The following OR4M1 variants were observed in gnomAD, a reference collection of about 807,000 sequenced individuals.
The protein encoded by OR4M1 is olfactory receptor family 4 subfamily M member 1, also known as olfactory receptor 4M1.
A neutral mutation model predicts 9.8 loss-of-function variants in OR4M1; 7 were observed. The observed-to-expected ratio is 0.71, with a 90% CI of 0.41 to 1.34. The LOEUF is 1.34. Ranked by LOEUF, OR4M1 falls within the 40% of genes most tolerant of loss-of-function variation. The pLI, the probability that OR4M1 is intolerant of heterozygous loss-of-function variation, is 0.01. For missense variants in OR4M1, 331 were observed against 380.4 expected (o/e 0.87, Z 1.08); for synonymous variants, 121 against 139.8 (o/e 0.87, Z 0.95).
At chr14:19,778,734 G>A (rs1305010781) in intron 1 of OR4M1, among the ~76,000 whole-genome samples, 1 of 152,196 alleles carries the variant, frequency 6.6e-6, no homozygotes, top group Non-Finnish European at 1.5e-5. Flanking sequence ...GGGGCTATGA[G>A]CTGCTTCCTT....
rs1594378162 is a variant in OR4M1, at chr14:19,780,467, A to G, written c.145A>G (p.Ile49Val). The G allele has an allele frequency of 6.2e-7, 1 of 1,614,158 alleles. No individual in the cohort carries two copies. Among genetic ancestry groups the G allele is most frequent in the East Asian group, 2.2e-5 (1 of 44,888 alleles). ...AGGAAATATCCTTATCATTTGCACC[A>G]TCAGGCTAGACCCTCATCTGACTTC... is the stretch of plus-strand genomic sequence containing the variant. ...LPGNILIICT[I>V]RLDPHLTSPM... The change falls in exon 2 of 2, where the codon ATC (isoleucine) becomes GTC (valine). Residue 49 changes from isoleucine (I) to valine (V), a missense_variant. By Grantham distance (29) the Ile-to-Val change is conservative. This residue lies in a region of OR4M1 where 209 missense variants were observed against 200.0 expected (regional missense o/e 1.04). Coordinates refer to ENST00000641200, the MANE Select transcript of OR4M1 (RefSeq NM_001005500.2).
rs1878542944 is a variant in OR4M1 at position 19,782,862 on chromosome 14, T to C, written c.*1598T>C. Reference sequence around the variant, plus strand: ...AAAAATATAAAGTACAAAAGATATATATATATAATATGATAAAATGATGAG... The same window carrying C: ...AAAAATATAAAGTACAAAAGATATACATATATAATATGATAAAATGATGAG... On this transcript the variant is annotated 3_prime_UTR_variant, in exon 2 of 2. Transcript: ENST00000641200. 6.6e-6 allele frequency: 1 copy of C among 152,022 alleles called. No homozygotes were observed. 9.4% of individuals were successfully genotyped at this position (152,022 alleles called of 1,614,324 possible).
At chr14:19,777,731 T>C (rs540630546) in intron 1 of OR4M1, among the ~76,000 whole-genome samples, 3 of 152,316 alleles carry the variant, frequency 2.0e-5, no homozygotes, top group Admixed American at 6.5e-5. Context: ...ATATCACAGG[T>C]AGATAGCTTT....
At position 19,780,876 on chromosome 14, in the gene OR4M1, T is replaced by C. The variant is rs529980571; in HGVS notation, c.554T>C (p.Val185Ala). 7 of 1,614,216 alleles carry C rather than the reference T, an allele frequency of 4.3e-6. No homozygotes were observed. In the South Asian group the frequency reaches 4.4e-5, roughly 10 times the overall value. Reference protein sequence around the residue: ...DSYFCDITQVVRIACANTFPE... With the variant: ...DSYFCDITQVARIACANTFPE... The stretch of plus-strand genomic sequence containing the variant: ...TACTTCTGTGACATCACACAGGTTG[T>C]CCGGATTGCCTGTGCCAACACCTTC... The change falls in exon 2 of 2, where the codon GTC becomes GCC. Residue 185 changes from valine to alanine, a missense_variant. Physicochemically the swap from Val to Ala is moderately conservative, Grantham distance 64 (BLOSUM62 0). Coordinates refer to ENST00000641200, the MANE Select transcript of OR4M1 (RefSeq NM_001005500.2).
chr14:19,778,325 T>C (rs539531702), intron 1 of OR4M1, among the ~76,000 whole-genome samples: 1 of 152,336 alleles, frequency 6.6e-6, no homozygotes, highest in African/African-American at 2.4e-5. Flanking sequence ...GGAATGGGTA[T>C]GGAGTAGAGC....
rs537688884 is a variant in OR4M1 at position 19,782,884 on chromosome 14, TGA to T, written c.*1622_*1623del. The T allele has an allele frequency of 1.6e-4, 24 of 152,264 alleles. No individual in the cohort carries two copies. The East Asian group carries it at 4.0e-3, about 26-fold the overall frequency. The allele number at this position is 152,264 out of a possible 1,614,324, so 9.4% of individuals were successfully genotyped here. A position where few individuals can be genotyped will look rare whatever the true frequency, so the allele number is the denominator to read the frequency against. On this transcript the variant is annotated 3_prime_UTR_variant, in exon 2 of 2. Coordinates refer to ENST00000641200, the MANE Select transcript of OR4M1 (RefSeq NM_001005500.2). ...ATATATATATAATATGATAAAATGA[TGA>T]GTTATGTTTCTAAATCTTTTATCAT...
intron 1 of OR4M1, among the ~76,000 whole-genome samples, chr14:19,777,509 T>C (rs1416467211): frequency 6.6e-6 from 1 of 152,140 alleles, no homozygotes; most frequent in Non-Finnish European, 1.5e-5. Flanking sequence ...TACTTATTTA[T>C]ATTTTATTTT....
At chr14:19,780,258 T>G in intron 1 of OR4M1, 36 bp from the exon 2 acceptor site, 5 of 1,469,570 alleles carry the variant, frequency 3.4e-6, no homozygotes, top group Non-Finnish European at 4.6e-6. Context: ...AGATAAATGC[T>G]ATGTGGACTA....
At chr14:19,774,946 C>A (rs1214951108) in intron 1 of OR4M1, among the ~76,000 whole-genome samples, 1 of 152,032 alleles carries the variant, frequency 6.6e-6, no homozygotes, top group African/African-American at 2.4e-5. Context: ...CGGAATGGAC[C>A]CTCTCTTGGC....
intron 1 of OR4M1, among the ~76,000 whole-genome samples, chr14:19,779,851 T>C (rs1878414574): frequency 6.6e-6 from 1 of 152,244 alleles, no homozygotes; most frequent in Non-Finnish European, 1.5e-5. Flanking sequence ...TCTGTATGTG[T>C]GCTATTAGAA....
intron 1 of OR4M1, among the ~76,000 whole-genome samples, chr14:19,779,608 C>T (rs919966257): frequency 6.6e-6 from 1 of 152,206 alleles, no homozygotes; most frequent in Non-Finnish European, 1.5e-5. Context: ...ACTTAAGTTC[C>T]TGCAATGGTG....
intron 1 of OR4M1, among the ~76,000 whole-genome samples, chr14:19,774,345 A>G (rs772245663): frequency 6.6e-6 from 1 of 152,244 alleles, no homozygotes; most frequent in Non-Finnish European, 1.5e-5. Context: ...TGATTTATTT[A>G]TTCAATAAAA....
chr14:19,775,805 TATA>T (rs1160502968), intron 1 of OR4M1, among the ~76,000 whole-genome samples: 98 of 144,182 alleles, frequency 6.8e-4, no homozygotes, highest in African/African-American at 1.9e-3. Context: ...TTAAATATAA[TATA>T]ATAATAATAA....
chr14:19,783,556 A>G lies in OR4M1; in HGVS notation c.*2292A>G, dbSNP rs1878565697. 7 of 152,308 alleles carry G rather than the reference A, an allele frequency of 4.6e-5. No individual in the cohort carries two copies. The highest frequency in any genetic ancestry group is 4.6e-4 in the Admixed American group (7 of 15,296). 9.4% of individuals were successfully genotyped at this position (152,308 alleles called of 1,614,324 possible). ...GTTGTGTCATTGAATATTGTTTCCA[A>G]ATAGCTCAGTATCCTCAGCAATCAC... is the stretch of plus-strand genomic sequence containing the variant. On this transcript the variant is annotated 3_prime_UTR_variant, in exon 2 of 2. Coordinates refer to ENST00000641200, the MANE Select transcript of OR4M1 (RefSeq NM_001005500.2).
chr14:19,776,596 G>C (rs1482261544), intron 1 of OR4M1, among the ~76,000 whole-genome samples: 2 of 152,164 alleles, frequency 1.3e-5, no homozygotes, highest in African/African-American at 4.8e-5. Flanking sequence ...GCACTGATTT[G>C]GAATAGACAT....
chr14:19,777,049 T>TATATATATA (rs58150334), intron 1 of OR4M1, among the ~76,000 whole-genome samples: 90 of 115,590 alleles, frequency 7.8e-4, no homozygotes, highest in South Asian at 1.9e-3. Context: ...TATATATATA[T>TATATATATA]TGTTTGTTTG....
In OR4M1 at chr14:19,782,695, G is replaced by C. The variant is rs1327022785; in HGVS notation, c.*1431G>C. 1 of 152,160 alleles carries C rather than the reference G, an allele frequency of 6.6e-6. No individual in the cohort carries two copies. The highest frequency in any genetic ancestry group is 6.5e-5 in the Admixed American group (1 of 15,270). The allele number at this position is 152,160 out of a possible 1,614,324, so 9.4% of individuals were successfully genotyped here. A position where few individuals can be genotyped will look rare whatever the true frequency, so the allele number is the denominator to read the frequency against. On this transcript the variant is annotated 3_prime_UTR_variant, in exon 2 of 2. Transcript: ENST00000641200. The stretch of plus-strand genomic sequence containing the variant: ...ATTTTTCCTTATGGTGACCTTCTTC[G>C]ATCTTCAATGCTACGTTACTTCTCT...
rs771752552 is a variant in OR4M1 at position 19,781,056 on chromosome 14, A to G, written c.734A>G (p.His245Arg). 1.9e-6 allele frequency: 3 copies of G among 1,614,034 alleles called. No individual in the cohort carries two copies. The highest frequency in any genetic ancestry group is 4.5e-5 in the East Asian group (2 of 44,896). ...AGGGCCATGTCCACCTGCTATTCCC[A>G]CATTACCATTGTGGTGCTAATGTTT... ...TNRAMSTCYSHITIVVLMFGP... is the reference protein window; with the variant it reads ...TNRAMSTCYSRITIVVLMFGP... The change falls in exon 2 of 2, where the codon CAC becomes CGC. Residue 245 changes from histidine to arginine, a missense_variant. Coordinates refer to ENST00000641200, the MANE Select transcript of OR4M1 (RefSeq NM_001005500.2).
In OR4M1 at chr14:19,782,501, C is replaced by T. The variant is rs539337623; in HGVS notation, c.*1237C>T. 3 of 152,286 alleles carry T rather than the reference C, an allele frequency of 2.0e-5. No homozygotes were observed. The East Asian group carries it at 5.8e-4, about 29-fold the overall frequency. 9.4% of individuals were successfully genotyped at this position (152,286 alleles called of 1,614,324 possible). ...AATTTTAAGTGAATTAGATCCTTGT[C>T]AACATTAGGAATGAATATATAAAAA... On this transcript the variant is annotated 3_prime_UTR_variant, in exon 2 of 2. Transcript: ENST00000641200.
Sources: gnomAD v4.1 joint callset for allele counts (sites outside exome capture counted in the v4.1 genomes callset) on GRCh38, gnomAD v4.1.1 for gene constraint, gnomAD v4.1.1 regional missense constraint, MANE v1.5 for transcripts, NCBI Gene and HGNC (gene_info 2026-07-23, HGNC 2026-07-21) for gene names.